Variants in EFL1 observed in about 807,000 individuals in gnomAD.
EFL1 encodes the protein elongation factor-like GTPase 1.
A neutral mutation model predicts 126.7 loss-of-function variants in EFL1; 76 were observed. That is an observed-to-expected ratio of 0.60 (90% CI 0.50 to 0.73). The LOEUF is 0.73. EFL1 is among the 30% of genes least tolerant of loss of function. The probability of loss-of-function intolerance (pLI) is 0.00; values close to 1 mark genes in which losing one functional copy is unlikely to be tolerated. For synonymous variants in EFL1, 410 were observed against 448.4 expected (o/e 0.91, Z 1.08); for missense variants, 1,128 against 1,343.2 (o/e 0.84, Z 2.50).
At chr15:82,171,054 C>T (rs2074130397) in intron 15 of EFL1, among the ~76,000 whole-genome samples, 1 of 152,158 alleles carries the variant, frequency 6.6e-6, no homozygotes, top group African/African-American at 2.4e-5. Flanking sequence ...TAACTGAATT[C>T]CTTCTACCTT....
chr15:82,196,675 C>A (rs2074410683), intron 15 of EFL1, among the ~76,000 whole-genome samples: 1 of 152,222 alleles, frequency 6.6e-6, no homozygotes, highest in South Asian at 2.1e-4. Context: ...GAACACCTGG[C>A]ATGCAGTTGG....
At chr15:82,260,958 C>A (rs532040329) in intron 2 of EFL1, among the ~76,000 whole-genome samples, 1 of 152,162 alleles carries the variant, frequency 6.6e-6, no homozygotes, top group Non-Finnish European at 1.5e-5. Flanking sequence ...CATGAAGGAG[C>A]GCTATGGAGT....
Position 82,132,425 on chromosome 15 carries a change from C to G in EFL1, c.3175-1864G>C, listed in dbSNP as rs568925260. The stretch of plus-strand genomic sequence containing the variant: ...CCATTATCAGCGAACCAAAAAAAGC[C>G]TCTGTTGGACAGACTTTAAAACATA... On this transcript the variant is annotated intron_variant, in intron 19 of 19. Transcript: ENST00000268206. Among the ~76,000 whole-genome samples, 3 of 152,230 alleles carry G rather than the reference C, an allele frequency of 2.0e-5. No individual in the cohort carries two copies. In the South Asian group the frequency reaches 6.2e-4, roughly 32 times the overall value.
chr15:82,177,761 T>C (rs2074210147), intron 15 of EFL1, among the ~76,000 whole-genome samples: 1 of 152,190 alleles, frequency 6.6e-6, no homozygotes, highest in African/African-American at 2.4e-5. Context: ...AATTTTCAAG[T>C]GTCTCCTTCC....
chr15:82,200,434 C>T (rs1488869846), intron 15 of EFL1, among the ~76,000 whole-genome samples: 1 of 152,140 alleles, frequency 6.6e-6, no homozygotes. Flanking sequence ...GACTGGAAAC[C>T]GGCTCCAAGC....
At chr15:82,187,730 A>C (rs1009327811) in intron 15 of EFL1, among the ~76,000 whole-genome samples, 1 of 152,098 alleles carries the variant, frequency 6.6e-6, no homozygotes, top group Non-Finnish European at 1.5e-5. Flanking sequence ...TGTAAATTCT[A>C]ATTTTTATTT....
intron 3 of EFL1, among the ~76,000 whole-genome samples, chr15:82,256,371 G>A (rs992229655): frequency 5.3e-5 from 8 of 152,034 alleles, no homozygotes; most frequent in Admixed American, 1.3e-4. Flanking sequence ...AACAGTTTTC[G>A]TATCCTGAAA....
intron 19 of EFL1, among the ~76,000 whole-genome samples, chr15:82,137,667 A>G (rs2073736602): frequency 6.6e-6 from 1 of 152,272 alleles, no homozygotes; most frequent in Non-Finnish European, 1.5e-5. Flanking sequence ...CTCCATGGTA[A>G]AAGGGAATAA....
At chr15:82,191,092 T>A (rs2074355090) in intron 15 of EFL1, among the ~76,000 whole-genome samples, 2 of 152,048 alleles carry the variant, frequency 1.3e-5, no homozygotes, top group African/African-American at 4.8e-5. Flanking sequence ...TCTCCTCAGA[T>A]ATTTAAAGAA....
At chr15:82,199,385 A>G (rs1488740432) in intron 15 of EFL1, among the ~76,000 whole-genome samples, 1 of 152,250 alleles carries the variant, frequency 6.6e-6, no homozygotes, top group Non-Finnish European at 1.5e-5. Context: ...GGCCAAGGGC[A>G]TAAGTCTTTG....
chr15:82,260,742 C>G (rs1379943705), intron 2 of EFL1, among the ~76,000 whole-genome samples: 2 of 152,192 alleles, frequency 1.3e-5, no homozygotes, highest in East Asian at 3.8e-4. Context: ...GGTTGTCTAA[C>G]TCCAGAGCTG....
At chr15:82,158,267 T>G (rs1202197666) in intron 16 of EFL1, among the ~76,000 whole-genome samples, 1 of 152,230 alleles carries the variant, frequency 6.6e-6, no homozygotes, top group Non-Finnish European at 1.5e-5. Context: ...TAATGTGATA[T>G]TCAAGAAACT....
At chr15:82,248,358 C>A (rs542531100) in intron 4 of EFL1, among the ~76,000 whole-genome samples, 1 of 152,096 alleles carries the variant, frequency 6.6e-6, no homozygotes, top group African/African-American at 2.4e-5. Flanking sequence ...AACGTTCACA[C>A]AGCCAGAGGA....
intron 16 of EFL1, among the ~76,000 whole-genome samples, chr15:82,160,933 T>A (rs2074016830): frequency 6.6e-6 from 1 of 152,240 alleles, no homozygotes; most frequent in South Asian, 2.1e-4. Context: ...AAATCCTTAG[T>A]ACAGTGTGTG....
chr15:82,260,120 T>C lies in EFL1; in HGVS notation c.92-965A>G, dbSNP rs142862049. On this transcript the variant is annotated intron_variant, in intron 2 of 19. Coordinates refer to ENST00000268206, the MANE Select transcript of EFL1 (RefSeq NM_024580.6). Reference sequence around the variant, plus strand: ...ATAGAAGACCTTCAGAAAATACTTGTTGAATGGATGAATCCCAGGTTTTTT... The same window carrying C: ...ATAGAAGACCTTCAGAAAATACTTGCTGAATGGATGAATCCCAGGTTTTTT... 3.5e-4 allele frequency among the ~76,000 whole-genome samples: 53 copies of C among 152,340 alleles called. 1 individual carries two copies. In the East Asian group the frequency reaches 9.4e-3, roughly 27 times the overall value.
In EFL1 at chr15:82,130,368, G is replaced by C; in HGVS notation, c.*5C>G. 1 of 1,613,742 alleles carries C rather than the reference G, an allele frequency of 6.2e-7. No individual in the cohort carries two copies. Among genetic ancestry groups the C allele is most frequent in the East Asian group, 2.2e-5 (1 of 44,882 alleles). ...TAAGGAAAAGAATCCACCAGTAGTA[G>C]GTAGCTACTTATTTTTGCTGAGTGT... On this transcript the variant is annotated 3_prime_UTR_variant, in exon 20 of 20. Transcript: ENST00000268206.
intron 8 of EFL1, 79 bp downstream of exon 8, chr15:82,230,769 T>C (rs2074813232): frequency 3.4e-6 from 5 of 1,474,716 alleles, no homozygotes; most frequent in Non-Finnish European, 4.5e-6. Context: ...CTGAATTACA[T>C]TTATTAAAGA....
At chr15:82,132,238 T>C (rs117729798) in intron 19 of EFL1, among the ~76,000 whole-genome samples, 4,056 of 152,136 alleles carry the variant, frequency 0.027, 77 homozygotes, top group Non-Finnish European at 0.04. Context: ...CTGAGGCAGG[T>C]ACAGAGAAAA....
intron 17 of EFL1, among the ~76,000 whole-genome samples, chr15:82,155,362 C>T (rs1045644459): frequency 6.6e-5 from 10 of 151,888 alleles, no homozygotes; most frequent in Non-Finnish European, 1.3e-4. Flanking sequence ...GTTAGCTGGG[C>T]GTGGTGGCGT....
Sources: allele counts gnomAD v4.1 joint callset (sites outside exome capture counted in the v4.1 genomes callset), GRCh38; gene constraint gnomAD v4.1.1; transcripts MANE v1.5; gene names NCBI Gene and HGNC (gene_info 2026-07-23, HGNC 2026-07-21).